Variants in DDAH1 observed in about 807,000 individuals in gnomAD.
DDAH1 encodes dimethylarginine dimethylaminohydrolase 1.
Under a neutral mutation model 28.8 loss-of-function variants are expected in DDAH1, and 19 were observed. The ratio of observed to expected loss-of-function variants is 0.66; its 90% CI spans 0.46 to 0.97. DDAH1 has a LOEUF of 0.97. Among genes scored for constraint, DDAH1 ranks in the 50% least tolerant of loss-of-function variants. The pLI is 0.00. For missense variants in DDAH1, 326 were observed against 375.9 expected, an observed-to-expected ratio of 0.87 and a Z score of 1.10; for synonymous variants, 153 against 154.4, an observed-to-expected ratio of 0.99 and a Z score of 0.07.
chr1:85,424,282 T>C (rs1653290848), intron 1 of DDAH1, among the ~76,000 whole-genome samples: 1 of 152,074 alleles, frequency 6.6e-6, no homozygotes, highest in Non-Finnish European at 1.5e-5. Flanking sequence ...TTAAGGAGAA[T>C]TGGTGTTATT....
intron 1 of DDAH1, among the ~76,000 whole-genome samples, chr1:85,373,860 G>A (rs890367021): frequency 3.3e-5 from 5 of 152,002 alleles, no homozygotes; most frequent in Non-Finnish European, 5.9e-5. Context: ...TGCCTGTTAA[G>A]TATACCTCTT....
intron 1 of DDAH1, among the ~76,000 whole-genome samples, chr1:85,568,330 C>T (rs189272397): frequency 1.0e-3 from 159 of 152,216 alleles, no homozygotes; most frequent in African/African-American, 3.2e-3. Flanking sequence ...ATATCATGAA[C>T]GACAGTGGAA....
At chr1:85,404,547 C>T in intron 1 of DDAH1, 3 of 1,326,374 alleles carry the variant, frequency 2.3e-6, no homozygotes, top group Non-Finnish European at 2.9e-6. Flanking sequence ...CAGCTCCAGA[C>T]AGAAAAAAAA....
At chr1:85,377,164 C>CA (rs1650717607) in intron 1 of DDAH1, among the ~76,000 whole-genome samples, 1 of 152,106 alleles carries the variant, frequency 6.6e-6, no homozygotes, top group Admixed American at 6.5e-5. Context: ...TCTCCCCTGC[C>CA]ACAGAGGCAG....
chr1:85,555,129 T>TTGGTGCCTGGCA (rs1483545803), intron 1 of DDAH1, among the ~76,000 whole-genome samples: 1 of 152,272 alleles, frequency 6.6e-6, no homozygotes, highest in Non-Finnish European at 1.5e-5. Flanking sequence ...TAAATGCTTC[T>TTGGTGCCTGGCA]TGGTGCCTGG....
rs1217886009 is a variant in DDAH1, at chr1:85,458,048, C to T, written c.303+6695G>A. Among the ~76,000 whole-genome samples, 6 of 152,288 alleles carry T rather than the reference C, an allele frequency of 3.9e-5. No individual in the cohort carries two copies. The East Asian group carries it at 9.7e-4, about 25-fold the overall frequency. On this transcript the variant is annotated intron_variant, in intron 1 of 5. Coordinates refer to ENST00000284031, the MANE Select transcript of DDAH1 (RefSeq NM_012137.4). ...ACACATATTCAAACAGAGGAAAATG[C>T]TGATGTATGTATCTTCACTGGAATG... is the stretch of plus-strand genomic sequence containing the variant.
chr1:85,404,341 C>T (rs61769519), intron 1 of DDAH1: 123,968 of 1,528,014 alleles, frequency 0.081, 5,424 homozygotes, highest in Middle Eastern at 0.12. Flanking sequence ...CCTGAAAGAC[C>T]ACATTCTAGA....
rs76302734 is a variant in DDAH1, at chr1:85,571,403, G to A, written c.-123+6581C>T. Reference sequence around the variant, plus strand: ...CCCAATCCCTCTCATCCATAAAAATGTACACACTAACAAGACCTCACATCT... The same window carrying A: ...CCCAATCCCTCTCATCCATAAAAATATACACACTAACAAGACCTCACATCT... On this transcript the variant is annotated intron_variant, in intron 1 of 6. Coordinates refer to the DDAH1 transcript ENST00000426972. Among the ~76,000 whole-genome samples the A allele has an allele frequency of 8.1e-3, 1,231 of 152,270 alleles. 15 individuals are homozygous for A. The highest frequency in any genetic ancestry group is 0.029 in the African/African-American group (1,192 of 41,560).
chr1:85,393,883 T>C (rs1651680117), intron 1 of DDAH1, among the ~76,000 whole-genome samples: 1 of 152,104 alleles, frequency 6.6e-6, no homozygotes, highest in African/African-American at 2.4e-5. Flanking sequence ...AGATTGATAA[T>C]CTAAAGAAGA....
chr1:85,409,732 G>A (rs1652560544), intron 1 of DDAH1, among the ~76,000 whole-genome samples: 2 of 152,040 alleles, frequency 1.3e-5, no homozygotes, highest in South Asian at 2.1e-4. Flanking sequence ...ATTTCATGCT[G>A]TTTCAGCATT....
chr1:85,572,802 C>CTCACCACT (rs1659498432), intron 1 of DDAH1, among the ~76,000 whole-genome samples: 1 of 152,222 alleles, frequency 6.6e-6, no homozygotes, highest in African/African-American at 2.4e-5. Flanking sequence ...CATCACATGG[C>CTCACCACT]TCACCACTGC....
At position 85,464,408 on chromosome 1, in the gene DDAH1, G is replaced by T; in HGVS notation, c.303+335C>A. On this transcript the variant is annotated intron_variant, in intron 1 of 5. Coordinates refer to ENST00000284031, the MANE Select transcript of DDAH1 (RefSeq NM_012137.4). The surrounding 1 kb of genome is among the most constrained non-coding windows in gnomAD (Gnocchi z 4.4). Reference sequence around the variant, plus strand: ...GCACCCCTCGCGGCCCTCGCTCCCTGGGAAACACTCAGAGTTGCACTGTCG... The same window carrying T: ...GCACCCCTCGCGGCCCTCGCTCCCTTGGAAACACTCAGAGTTGCACTGTCG... The T allele has an allele frequency of 7.8e-7, 1 of 1,285,688 alleles. No individual in the cohort carries two copies. The highest frequency in any genetic ancestry group is 1.0e-6 in the Non-Finnish European group (1 of 959,344). The allele number at this position is 1,285,688 out of a possible 1,614,324, so 79.6% of individuals were successfully genotyped here. A position where few individuals can be genotyped will look rare whatever the true frequency, so the allele number is the denominator to read the frequency against.
At chr1:85,556,021 T>C (rs912147892) in intron 1 of DDAH1, among the ~76,000 whole-genome samples, 1 of 151,430 alleles carries the variant, frequency 6.6e-6, no homozygotes, top group Non-Finnish European at 1.5e-5. Context: ...GAGTGGCGGG[T>C]AGAACAGAAG....
At chr1:85,433,229 G>A (rs1653781546) in intron 1 of DDAH1, among the ~76,000 whole-genome samples, 1 of 152,106 alleles carries the variant, frequency 6.6e-6, no homozygotes, top group South Asian at 2.1e-4. Flanking sequence ...GTAATTAGGA[G>A]GTAAAACACC....
upstream of DDAH1, among the ~76,000 whole-genome samples, chr1:85,469,154 G>C (rs757506890): frequency 2.9e-4 from 44 of 152,162 alleles, no homozygotes; most frequent in Non-Finnish European, 4.6e-4. Flanking sequence ...CACGAGCAAG[G>C]GCTGGAAAAT....
intron 1 of DDAH1, among the ~76,000 whole-genome samples, chr1:85,369,055 CTTTTTTTTTTTTTT>C (rs36109764): frequency 1.2e-5 from 1 of 84,610 alleles, no homozygotes; most frequent in African/African-American, 4.7e-5. Context: ...CCAGGGGATT[CTTTTTTTTTTTTTT>C]TTTTTTTTTG....
At chr1:85,416,615 G>C (rs1652898259) in intron 1 of DDAH1, among the ~76,000 whole-genome samples, 1 of 152,172 alleles carries the variant, frequency 6.6e-6, no homozygotes, top group Non-Finnish European at 1.5e-5. Context: ...AAAGAATTTA[G>C]AATAGTGTGG....
intron 1 of DDAH1, among the ~76,000 whole-genome samples, chr1:85,522,876 A>G (rs1477383293): frequency 6.6e-6 from 1 of 151,182 alleles, no homozygotes; most frequent in African/African-American, 2.4e-5. Flanking sequence ...ACATGCAAAC[A>G]ACACCGTCAT....
intron 2 of DDAH1, among the ~76,000 whole-genome samples, chr1:85,477,683 T>C (rs909024643): frequency 6.6e-6 from 1 of 151,870 alleles, no homozygotes; most frequent in African/African-American, 2.4e-5. Context: ...TATAGAAATA[T>C]ATATAGTATA....
Sources: allele counts gnomAD v4.1 joint callset (sites outside exome capture counted in the v4.1 genomes callset), GRCh38; gene constraint gnomAD v4.1.1; non-coding constraint Gnocchi (gnomAD v3.1); transcripts MANE v1.5; gene names NCBI Gene and HGNC (gene_info 2026-07-23, HGNC 2026-07-21).